Variants in KDM5B observed in about 807,000 individuals in gnomAD.
The protein encoded by KDM5B is lysine demethylase 5B, also known as lysine-specific demethylase 5B.
A neutral mutation model predicts 193.4 loss-of-function variants in KDM5B; 144 were observed. That is an observed-to-expected ratio of 0.74 (90% CI 0.65 to 0.86). KDM5B has a LOEUF of 0.86. Ranked by LOEUF, KDM5B falls within the 40% of genes least tolerant of loss-of-function variation. KDM5B has a pLI of 0.00. For missense variants in KDM5B, 1,833 were observed against 1,886.9 expected (o/e 0.97, Z 0.53); for synonymous variants, 668 against 682.6 (o/e 0.98, Z 0.33).
chr1:202,781,367 G>A (rs1010848229), intron 1 of KDM5B, among the ~76,000 whole-genome samples: 1 of 152,120 alleles, frequency 6.6e-6, no homozygotes, highest in Non-Finnish European at 1.5e-5. Context: ...AAAAATGCCC[G>A]CCGGTGATGC....
At chr1:202,769,010 G>A (rs973832488) in intron 4 of KDM5B, among the ~76,000 whole-genome samples, 7 of 151,122 alleles carry the variant, frequency 4.6e-5, no homozygotes, top group South Asian at 4.2e-4. Context: ...CACTGCACCC[G>A]GCCTACGGCC....
chr1:202,774,806 T>C (rs1558506438), intron 2 of KDM5B, 71 bp from the exon 3 acceptor site: 2 of 1,457,502 alleles, frequency 1.4e-6, no homozygotes, highest in African/African-American at 1.4e-5. Context: ...GCCATTATTT[T>C]CTTTCACAGA....
At chr1:202,779,351 C>T (rs527826330) in intron 1 of KDM5B, among the ~76,000 whole-genome samples, 27 of 151,826 alleles carry the variant, frequency 1.8e-4, no homozygotes, top group African/African-American at 5.6e-4. Flanking sequence ...TGGTGGCACG[C>T]GGCTGTAGTC....
intron 1 of KDM5B, among the ~76,000 whole-genome samples, chr1:202,804,022 T>C (rs559482684): frequency 6.6e-6 from 1 of 151,712 alleles, no homozygotes; most frequent in African/African-American, 2.4e-5. Flanking sequence ...ACATGGCACA[T>C]GTGTACATAT....
In KDM5B at chr1:202,729,107, G is replaced by A; in HGVS notation, c.4564C>T (p.Pro1522Ser). The A allele has an allele frequency of 6.2e-7, 1 of 1,614,088 alleles. No homozygotes were observed. The highest frequency in any genetic ancestry group is 8.5e-7 in the Non-Finnish European group (1 of 1,179,994). Residue 1522 changes from proline to serine, a missense_variant, in exon 27 of 27, where the codon CCA becomes TCA. Transcript: ENST00000367265. Reference protein sequence around the residue: ...WFHQVCVGVSPEMAEKEDYIC... With the variant: ...WFHQVCVGVSSEMAEKEDYIC... Reference sequence around the variant, plus strand: ...TAGTCTTCTTTCTCTGCCATCTCTGGGGAGACACCAACACAGACCTGATGA... The same window carrying A: ...TAGTCTTCTTTCTCTGCCATCTCTGAGGAGACACCAACACAGACCTGATGA...
At chr1:202,736,447 A>T in intron 20 of KDM5B, 55 bp from the exon 21 acceptor site, 2 of 1,388,004 alleles carry the variant, frequency 1.4e-6, no homozygotes, top group Non-Finnish European at 1.9e-6. Flanking sequence ...TTCTATGAAA[A>T]ACAGGAAAAG....
intron 16 of KDM5B, among the ~76,000 whole-genome samples, chr1:202,743,336 CAAAAAAAAAAAAAAAA>C (rs56202317): frequency 1.3e-5 from 1 of 79,444 alleles, no homozygotes. Context: ...GACCTTGTCT[CAAAAAAAAAAAAAAAA>C]AAAAAAAAAA....
chr1:202,780,745 T>C lies in KDM5B; in HGVS notation c.205-3651A>G, dbSNP rs7552255. Reference sequence around the variant, plus strand: ...TGAGTAAAAAACTAGAACAAAAACATGTATTAGGTTGGTGCAAATGTAATT... The same window carrying C: ...TGAGTAAAAAACTAGAACAAAAACACGTATTAGGTTGGTGCAAATGTAATT... On this transcript the variant is annotated intron_variant, in intron 1 of 26. Coordinates refer to ENST00000367265, the MANE Select transcript of KDM5B (RefSeq NM_006618.5). 1.6e-4 allele frequency among the ~76,000 whole-genome samples: 23 copies of C among 148,104 alleles called. 1 individual carries two copies. In the South Asian group the frequency reaches 3.0e-3, roughly 19 times the overall value.
At chr1:202,794,330 T>C (rs796932167) in intron 1 of KDM5B, among the ~76,000 whole-genome samples, 10 of 152,374 alleles carry the variant, frequency 6.6e-5, no homozygotes, top group African/African-American at 2.4e-4. Flanking sequence ...TCTGGGGTTA[T>C]GTGATTAGAG....
At chr1:202,750,854 C>G in intron 12 of KDM5B, 76 bp from the exon 13 acceptor site, 3 of 1,427,598 alleles carry the variant, frequency 2.1e-6, no homozygotes, top group Non-Finnish European at 2.9e-6. Context: ...TGGACACAGT[C>G]TATTAGATAA....
chr1:202,750,601 C>G, intron 13 of KDM5B, 58 bp downstream of exon 13: 2 of 1,576,278 alleles, frequency 1.3e-6, no homozygotes, highest in South Asian at 2.2e-5. Flanking sequence ...ACATTATATT[C>G]CATTTCCTCA....
At chr1:202,807,410 G>A (rs1443956555) in intron 1 of KDM5B, 1 of 150,806 alleles carries the variant, frequency 6.6e-6, no homozygotes, top group East Asian at 2.0e-4. Context: ...TCCGCTCCGG[G>A]GCTGGACCCG....
rs1259606841 is a variant in KDM5B at position 202,742,639 on chromosome 1, A to C, written c.2474+16T>G. 6.2e-7 allele frequency: 1 copy of C among 1,612,796 alleles called. No individual in the cohort carries two copies. Among genetic ancestry groups the C allele is most frequent in the Non-Finnish European group, 8.5e-7 (1 of 1,179,168 alleles). On this transcript the variant is annotated intron_variant, in intron 17 of 26. Transcript: ENST00000367265. ...GGTGCCAAAGAATCCAAACTCACGC[A>C]GTCAGAAGCGCATACCTAGTTTGCC...
At chr1:202,758,653 G>A (rs1656116371) in intron 8 of KDM5B, 143 bp from the exon 9 acceptor site, 1 of 538,134 alleles carries the variant, frequency 1.9e-6, no homozygotes, top group Non-Finnish European at 2.9e-6. Context: ...AAATAAACCT[G>A]CCTGAAAAAT....
At chr1:202,746,361 T>A (rs1655560986) in intron 14 of KDM5B, 38 bp from the exon 15 acceptor site, 1 of 1,395,270 alleles carries the variant, frequency 7.2e-7, no homozygotes. Flanking sequence ...CTCCAAAGGA[T>A]AATATAATCC....
At chr1:202,746,021 A>G (rs1655541127) in intron 15 of KDM5B, 39 bp from the exon 16 acceptor site, 1 of 1,611,962 alleles carries the variant, frequency 6.2e-7, no homozygotes, top group Non-Finnish European at 8.5e-7. Context: ...TGAGACGTGT[A>G]GCTTTGGAGA....
chr1:202,792,100 G>C (rs767149900), intron 1 of KDM5B, among the ~76,000 whole-genome samples: 2 of 152,292 alleles, frequency 1.3e-5, no homozygotes, highest in Middle Eastern at 6.8e-3. Flanking sequence ...CAACAGAGCT[G>C]ATAAAAAGAA....
intron 23 of KDM5B, among the ~76,000 whole-genome samples, chr1:202,733,027 T>C (rs1654943783): frequency 6.6e-6 from 1 of 152,182 alleles, no homozygotes; most frequent in African/African-American, 2.4e-5. Flanking sequence ...TTTCTACTAA[T>C]TGACTTACAT....
intron 2 of KDM5B, 118 bp from the exon 3 acceptor site, chr1:202,774,853 T>C: frequency 1.1e-6 from 1 of 897,676 alleles, no homozygotes; most frequent in Non-Finnish European, 1.7e-6. Flanking sequence ...AAATTTTTTT[T>C]TAATTTAATG....
Sources: gnomAD v4.1 joint callset for allele counts (sites outside exome capture counted in the v4.1 genomes callset) on GRCh38, gnomAD v4.1.1 for gene constraint, MANE v1.5 for transcripts, NCBI Gene and HGNC (gene_info 2026-07-23, HGNC 2026-07-21) for gene names.